Variants in ADCY2 observed in about 807,000 individuals in gnomAD.
ADCY2 encodes the protein adenylate cyclase type 2.
In ADCY2, 31 loss-of-function variants were observed where a neutral mutation model predicts 125.2. That is an observed-to-expected ratio of 0.25 (90% CI 0.19 to 0.33). The LOEUF (loss-of-function observed/expected upper bound fraction) is 0.33. ADCY2 is among the 10% of genes least tolerant of loss of function. The pLI, the probability that ADCY2 is intolerant of heterozygous loss-of-function variation, is 1.00. For missense variants in ADCY2, 904 were observed against 1,418.2 expected (o/e 0.64, Z 5.82); for synonymous variants, 512 against 548.4 (o/e 0.93, Z 0.93).
At position 7,608,715 on chromosome 5, in the gene ADCY2, C is replaced by T. The variant is rs144495345; in HGVS notation, c.571-17452C>T. Among the ~76,000 whole-genome samples the T allele has an allele frequency of 1.8e-3, 268 of 152,308 alleles. 1 individual carries two copies. The highest frequency in any genetic ancestry group is 6.2e-3 in the African/African-American group (256 of 41,580). ...AAAATCTAATGCCACAGGTATATTG[C>T]GTATCTGTTTATGTGATGTGTGCAT... On this transcript the variant is annotated intron_variant, in intron 3 of 24. Transcript: ENST00000338316.
chr5:7,807,339 C>G (rs1368804411), intron 22 of ADCY2, among the ~76,000 whole-genome samples: 1 of 152,152 alleles, frequency 6.6e-6, no homozygotes, highest in African/African-American at 2.4e-5. Context: ...TCTACTTTCT[C>G]TCTACACCTC....
chr5:7,824,824 G>C (rs1444375073), intron 24 of ADCY2, among the ~76,000 whole-genome samples: 3 of 152,200 alleles, frequency 2.0e-5, no homozygotes, highest in Non-Finnish European at 4.4e-5. Flanking sequence ...CCTGGATGCT[G>C]TCCTGGGCTC....
chr5:7,589,713 C>T (rs922682714), intron 3 of ADCY2, among the ~76,000 whole-genome samples: 7 of 152,146 alleles, frequency 4.6e-5, no homozygotes, highest in African/African-American at 1.7e-4. Context: ...AAATTTCAAG[C>T]ATCTGTGAAG....
At chr5:7,785,166 C>T (rs138166442) in intron 19 of ADCY2, among the ~76,000 whole-genome samples, 2 of 152,176 alleles carry the variant, frequency 1.3e-5, no homozygotes, top group African/African-American at 4.8e-5. Flanking sequence ...TTGGAACGAA[C>T]CCATGAAGAA....
At chr5:7,516,997 C>G (rs1744274475) in intron 2 of ADCY2, among the ~76,000 whole-genome samples, 1 of 152,042 alleles carries the variant, frequency 6.6e-6, no homozygotes, top group South Asian at 2.1e-4. Context: ...TTTTTGGAGA[C>G]AGAGGCATTA....
At chr5:7,430,784 A>G (rs1740569675) in intron 2 of ADCY2, among the ~76,000 whole-genome samples, 1 of 152,100 alleles carries the variant, frequency 6.6e-6, no homozygotes, top group Non-Finnish European at 1.5e-5. Context: ...ACCATTTAAT[A>G]TAAACTCAAA....
intron 4 of ADCY2, among the ~76,000 whole-genome samples, chr5:7,672,097 A>G (rs1010664298): frequency 3.9e-5 from 6 of 152,200 alleles, no homozygotes; most frequent in Non-Finnish European, 7.3e-5. Context: ...ATCAGGACAC[A>G]AGGAGGTGGT....
intron 4 of ADCY2, among the ~76,000 whole-genome samples, chr5:7,683,270 C>T (rs985519549): frequency 1.3e-5 from 2 of 152,196 alleles, no homozygotes; most frequent in Admixed American, 1.3e-4. Context: ...GGGCACACCA[C>T]GTGAGTGAAT....
intron 2 of ADCY2, among the ~76,000 whole-genome samples, chr5:7,434,349 G>A (rs969123131): frequency 8.5e-5 from 13 of 152,214 alleles, no homozygotes; most frequent in African/African-American, 3.1e-4. Flanking sequence ...AAGGAATAAA[G>A]TACATCTGCA....
At position 7,532,006 on chromosome 5, in the gene ADCY2, T is replaced by C. The variant is rs572166690; in HGVS notation, c.570+11107T>C. 8.5e-5 allele frequency among the ~76,000 whole-genome samples: 13 copies of C among 152,354 alleles called. No homozygotes were observed. In the South Asian group the frequency reaches 2.7e-3, roughly 32 times the overall value. On this transcript the variant is annotated intron_variant, in intron 3 of 24. Transcript: ENST00000338316. ...GTGGGGTTTCCCTTCTCTTGCCTGCTTAGGCATTACTAAGCTCTGTAGTGT... is the reference window on the plus strand; with the variant it reads ...GTGGGGTTTCCCTTCTCTTGCCTGCCTAGGCATTACTAAGCTCTGTAGTGT...
chr5:7,621,498 G>A (rs1205183226), intron 3 of ADCY2, among the ~76,000 whole-genome samples: 1 of 152,232 alleles, frequency 6.6e-6, no homozygotes, highest in Non-Finnish European at 1.5e-5. Context: ...TAAGGGCTGT[G>A]TAGAATATAC....
chr5:7,798,928 C>T (rs1205459550), intron 20 of ADCY2: 1 of 152,138 alleles, frequency 6.6e-6, no homozygotes, highest in Non-Finnish European at 1.5e-5. Context: ...TTGCATTACA[C>T]ACAGTGACAT....
chr5:7,793,354 G>A (rs1409165716), intron 20 of ADCY2, among the ~76,000 whole-genome samples: 1 of 152,214 alleles, frequency 6.6e-6, no homozygotes, highest in Non-Finnish European at 1.5e-5. Flanking sequence ...AGGAGACTGA[G>A]GCAGGAGAAT....
intron 20 of ADCY2, among the ~76,000 whole-genome samples, chr5:7,792,097 G>A (rs1186281517): frequency 6.6e-6 from 1 of 152,032 alleles, no homozygotes; most frequent in Non-Finnish European, 1.5e-5. Flanking sequence ...CTGAGGCCGG[G>A]CGCGGTGGCT....
chr5:7,596,040 C>A (rs1736991635), intron 3 of ADCY2, among the ~76,000 whole-genome samples: 1 of 151,834 alleles, frequency 6.6e-6, no homozygotes, highest in Non-Finnish European at 1.5e-5. Context: ...TAATATAATC[C>A]TTTCTTAGGA....
intron 14 of ADCY2, among the ~76,000 whole-genome samples, chr5:7,728,854 A>C (rs538912418): frequency 6.6e-6 from 1 of 152,292 alleles, no homozygotes; most frequent in African/African-American, 2.4e-5. Context: ...GGGCATTTTA[A>C]AAGATGCCTC....
chr5:7,593,730 A>G (rs1411302057), intron 3 of ADCY2, among the ~76,000 whole-genome samples: 1 of 152,196 alleles, frequency 6.6e-6, no homozygotes, highest in Non-Finnish European at 1.5e-5. Flanking sequence ...GGGGAAAGCT[A>G]TACATACAAA....
intron 3 of ADCY2, among the ~76,000 whole-genome samples, chr5:7,547,150 C>T (rs2126568605): frequency 6.6e-6 from 1 of 152,298 alleles, no homozygotes; most frequent in Admixed American, 6.5e-5. Context: ...CTGGGGGTGT[C>T]ACACCACAAG....
At chr5:7,789,267 A>C (rs1371728866) in intron 19 of ADCY2, among the ~76,000 whole-genome samples, 1 of 152,272 alleles carries the variant, frequency 6.6e-6, no homozygotes, top group Non-Finnish European at 1.5e-5. Context: ...TCATCAAAAA[A>C]TGCACTCTCT....
Sources: gnomAD v4.1 joint callset for allele counts (sites outside exome capture counted in the v4.1 genomes callset) on GRCh38, gnomAD v4.1.1 for gene constraint, MANE v1.5 for transcripts, NCBI Gene and HGNC (gene_info 2026-07-23, HGNC 2026-07-21) for gene names.